Variants in PCM1 observed in about 807,000 individuals in gnomAD.
PCM1 encodes pericentriolar material 1 protein.
In PCM1, 157 loss-of-function variants were observed where a neutral mutation model predicts 241.9. The ratio of observed to expected loss-of-function variants is 0.65; its 90% CI spans 0.57 to 0.74. The LOEUF is 0.74. PCM1 is among the 30% of genes least tolerant of loss of function. The probability of loss-of-function intolerance (pLI) is 0.00; values close to 1 mark genes in which losing one functional copy is unlikely to be tolerated. For missense variants in PCM1, 3,478 were observed against 2,360.1 expected (o/e 1.47, Z -9.81); for synonymous variants, 1,085 against 784.9 (o/e 1.38, Z -6.39).
intron 23 of PCM1, among the ~76,000 whole-genome samples, chr8:17,975,225 G>A (rs1455504739): frequency 6.6e-6 from 1 of 152,100 alleles, no homozygotes; most frequent in Non-Finnish European, 1.5e-5. Context: ...TAGAAAAAAG[G>A]ATTTTTACTG....
chr8:17,988,317 A>G (rs2083304123), intron 26 of PCM1, among the ~76,000 whole-genome samples: 1 of 151,912 alleles, frequency 6.6e-6, no homozygotes, highest in Non-Finnish European at 1.5e-5. Flanking sequence ...TAAAAAGATC[A>G]TTAGTTAAGG....
At chr8:17,982,393 A>G (rs1354157656) in intron 24 of PCM1, 1 of 152,194 alleles carries the variant, frequency 6.6e-6, no homozygotes, top group Non-Finnish European at 1.5e-5. Flanking sequence ...AGGCCCTATT[A>G]CTGTTACTTA....
In PCM1 at chr8:17,969,640, C is replaced by T; in HGVS notation, c.3476C>T (p.Pro1159Leu). ...GATTTTTCTCAGAATATCTCTACAC[C>T]CAGTGAACAGCAGCAACCCTTAGCC... ...FGDFSQNIST[P>L]SEQQQPLAQN... The change falls in exon 22 of 39, where the codon CCC (proline) becomes CTC (leucine). Residue 1159 changes from proline to leucine, a missense_variant. Physicochemically the swap from Pro to Leu is moderately conservative, Grantham distance 98. Coordinates refer to ENST00000325083, the MANE Select transcript of PCM1 (RefSeq NM_006197.4). The T allele has an allele frequency of 6.2e-7, 1 of 1,612,186 alleles. No individual in the cohort carries two copies. The highest frequency in any genetic ancestry group is 8.5e-7 in the Non-Finnish European group (1 of 1,178,576).
At chr8:17,969,864 A>T (rs2076258646) in intron 22 of PCM1, 116 bp downstream of exon 22, 2 of 755,366 alleles carry the variant, frequency 2.6e-6, no homozygotes, top group East Asian at 2.6e-5. Context: ...TGGCTTGATG[A>T]TGTTGGAAAT....
At position 17,939,650 on chromosome 8, in the gene PCM1, G is replaced by A. The variant is rs1485991384; in HGVS notation, c.613-41G>A. Reference sequence around the variant, plus strand: ...AATTATCCTTAGTTTTATATATTGTGTACTTTCATGCTTTTTTTAAAAAAA... The same window carrying A: ...AATTATCCTTAGTTTTATATATTGTATACTTTCATGCTTTTTTTAAAAAAA... On this transcript the variant is annotated intron_variant, in intron 5 of 38. Transcript: ENST00000325083. 1.1e-5 allele frequency: 14 copies of A among 1,231,214 alleles called. No individual in the cohort carries two copies. The African/African-American group carries it at 1.5e-4, about 13-fold the overall frequency. 76.3% of individuals were successfully genotyped at this position (1,231,214 alleles called of 1,614,324 possible). A position where few individuals can be genotyped will look rare whatever the true frequency, so the allele number is the denominator to read the frequency against.
chr8:18,006,155 C>A, intron 29 of PCM1, 108 bp from the exon 30 acceptor site: 1 of 799,892 alleles, frequency 1.3e-6, no homozygotes, highest in Non-Finnish European at 1.9e-6. Context: ...AATTGAGGAG[C>A]ATCTACGGCA....
intron 30 of PCM1, among the ~76,000 whole-genome samples, chr8:18,009,266 G>A (rs2092070689): frequency 6.6e-6 from 1 of 151,996 alleles, no homozygotes; most frequent in Non-Finnish European, 1.5e-5. Flanking sequence ...GAACTTTCTG[G>A]TATTAGAAAT....
intron 6 of PCM1, among the ~76,000 whole-genome samples, chr8:17,941,492 A>G (rs1259148631): frequency 6.6e-6 from 1 of 150,496 alleles, no homozygotes; most frequent in Non-Finnish European, 1.5e-5. Context: ...GACTAAATAT[A>G]CTGCTGCTTG....
intron 24 of PCM1, 109 bp from the exon 25 acceptor site, chr8:17,985,338 A>C: frequency 3.0e-6 from 2 of 673,422 alleles, no homozygotes; most frequent in Non-Finnish European, 4.8e-6. Flanking sequence ...GAATTGTCTA[A>C]AATAGAATTT....
chr8:17,943,122 TG>T (rs1419481770), intron 6 of PCM1, among the ~76,000 whole-genome samples: 2 of 152,014 alleles, frequency 1.3e-5, no homozygotes, highest in East Asian at 3.9e-4. Context: ...GTTTTATTAC[TG>T]GTTTATTACC....
chr8:18,021,968 C>A (rs114982522), intron 36 of PCM1, among the ~76,000 whole-genome samples: 3,759 of 152,234 alleles, frequency 0.025, 155 homozygotes, highest in African/African-American at 0.086. Flanking sequence ...AACTGCCTAC[C>A]AGTGATGATC....
At chr8:17,926,312 G>C (rs1003882680) in intron 2 of PCM1, 1 of 152,166 alleles carries the variant, frequency 6.6e-6, no homozygotes, top group Non-Finnish European at 1.5e-5. Context: ...GAGACTTGGA[G>C]AAACTAGTAA....
At chr8:18,013,783 C>T in intron 34 of PCM1, 181 bp from the exon 35 acceptor site, 2 of 548,052 alleles carry the variant, frequency 3.6e-6, no homozygotes, top group East Asian at 3.3e-5. Context: ...CAAGGAAACC[C>T]TTTAACTTAG....
At chr8:17,929,534 CTCA>C (rs1437041167) in intron 2 of PCM1, among the ~76,000 whole-genome samples, 1 of 152,180 alleles carries the variant, frequency 6.6e-6, no homozygotes, top group Non-Finnish European at 1.5e-5. Context: ...AAAACTTGAA[CTCA>C]TCATCATCCT....
At chr8:17,990,107 TTATC>T (rs901395215) in intron 27 of PCM1, 128 bp downstream of exon 27, 1 of 649,878 alleles carries the variant, frequency 1.5e-6, no homozygotes, top group African/African-American at 1.9e-5. Context: ...GTGGACTTAA[TTATC>T]TATCAGTCTA....
chr8:18,028,080 A>G lies in PCM1; in HGVS notation c.*418A>G. On this transcript the variant is annotated 3_prime_UTR_variant, in exon 39 of 39. Transcript: ENST00000325083. ...GGTTAAGAGTTAGTTAGAGAAATATATTATTTGTTATAAAGCCCATCCATT... is the reference window on the plus strand; with the variant it reads ...GGTTAAGAGTTAGTTAGAGAAATATGTTATTTGTTATAAAGCCCATCCATT... 4.8e-6 allele frequency: 1 copy of G among 209,900 alleles called. No homozygotes were observed. Among genetic ancestry groups the G allele is most frequent in the Non-Finnish European group, 9.7e-6 (1 of 103,256 alleles). The allele number at this position is 209,900 out of a possible 1,614,324, so 13.0% of individuals were successfully genotyped here. A position where few individuals can be genotyped will look rare whatever the true frequency, so the allele number is the denominator to read the frequency against.
rs369878724 is a variant in PCM1 at position 18,019,656 on chromosome 8, C to T, written c.5841+4816C>T. ...GTTCACAATAGGGTTCAAGCTCCTA[C>T]AAGAATCTGTTGCCGCCAGTGATCT... On this transcript the variant is annotated intron_variant, in intron 36 of 38. Coordinates refer to ENST00000325083, the MANE Select transcript of PCM1 (RefSeq NM_006197.4). Among the ~76,000 whole-genome samples the T allele has an allele frequency of 1.8e-4, 27 of 152,244 alleles. No homozygotes were observed. In the East Asian group the frequency reaches 3.9e-3, roughly 22 times the overall value.
At position 17,966,128 on chromosome 8, in the gene PCM1, G is replaced by A; in HGVS notation, c.2985G>A (p.Glu995=). 5.0e-6 allele frequency: 8 copies of A among 1,613,908 alleles called. No individual in the cohort carries two copies. Among genetic ancestry groups the A allele is most frequent in the Non-Finnish European group, 6.8e-6 (8 of 1,179,820 alleles). Residue 995 remains glutamate, a synonymous_variant, in exon 19 of 39, where the codon GAG becomes GAA. Coordinates refer to ENST00000325083, the MANE Select transcript of PCM1 (RefSeq NM_006197.4). ...RWVSELSYVE[E]KEQWQEQINQ... is the part of the protein sequence containing the mutation. ...TGTCAGAGCTCTCTTACGTAGAAGAGAAAGAACAATGGCAAGAACAAATCA... is the reference window on the plus strand; with the variant it reads ...TGTCAGAGCTCTCTTACGTAGAAGAAAAAGAACAATGGCAAGAACAAATCA...
chr8:18,011,516 C>G (rs1245337914), intron 33 of PCM1, 150 bp downstream of exon 33: 3 of 1,048,938 alleles, frequency 2.9e-6, no homozygotes, highest in African/African-American at 3.3e-5. Flanking sequence ...ATTATCTAGA[C>G]TTTCTGCACT....
Sources: gnomAD v4.1 joint callset for allele counts (sites outside exome capture counted in the v4.1 genomes callset) on GRCh38, gnomAD v4.1.1 for gene constraint, MANE v1.5 for transcripts, NCBI Gene and HGNC (gene_info 2026-07-23, HGNC 2026-07-21) for gene names.